Variants in LUZP1 observed in about 807,000 individuals in gnomAD.
LUZP1 encodes the protein leucine zipper protein 1.
LUZP1 carries 25 observed loss-of-function variants against 71.3 expected under a neutral mutation model. The ratio of observed to expected loss-of-function variants is 0.35; its 90% CI spans 0.26 to 0.49. The LOEUF (loss-of-function observed/expected upper bound fraction) is 0.49. Ranked by LOEUF, LUZP1 falls within the 20% of genes least tolerant of loss-of-function variation. The pLI, the probability that LUZP1 is intolerant of heterozygous loss-of-function variation, is 0.99. For synonymous variants in LUZP1, 481 were observed against 506.4 expected (o/e 0.95, Z 0.67); for missense variants, 1,142 against 1,300.8 (o/e 0.88, Z 1.88).
chr1:23,175,791 C>A (rs933444698), intron 1 of LUZP1, among the ~76,000 whole-genome samples: 2 of 152,102 alleles, frequency 1.3e-5, no homozygotes, highest in Admixed American at 1.3e-4. Context: ...ATAACAATTC[C>A]ATTAAGTGCT....
At chr1:23,126,880 T>G (rs1042386303) in intron 2 of LUZP1, among the ~76,000 whole-genome samples, 2 of 152,198 alleles carry the variant, frequency 1.3e-5, no homozygotes, top group Admixed American at 1.3e-4. Context: ...CAACAGAAGT[T>G]TAAATGTCTA....
intron 2 of LUZP1, among the ~76,000 whole-genome samples, chr1:23,164,352 G>A (rs1317860705): frequency 2.6e-5 from 4 of 151,988 alleles, no homozygotes; most frequent in Non-Finnish European, 4.4e-5. Flanking sequence ...AAAATTAGCC[G>A]GGCATGGTGG....
rs374549961 is a variant in LUZP1, at chr1:23,093,641, A to G, written c.621T>C (p.Asn207=). 1.2e-5 allele frequency: 19 copies of G among 1,610,240 alleles called. 1 individual carries two copies. The African/African-American group carries it at 2.6e-4, about 22-fold the overall frequency. Residue 207 remains asparagine (N), a synonymous_variant, in exon 4 of 5, where the codon AAT becomes AAC. Coordinates refer to ENST00000302291, the Ensembl canonical transcript of LUZP1. This position sits in a 1 kb window ranked among gnomAD's most constrained non-coding sequence, Gnocchi z 4.2. ...GAGTGAGTTCTTTTATCAATTTCTC[A>G]TTTTCTTTCTCCTTTTCATTCAAGT...
intron 2 of LUZP1, among the ~76,000 whole-genome samples, chr1:23,125,259 T>C (rs1487150155): frequency 1.3e-5 from 2 of 152,168 alleles, no homozygotes; most frequent in Non-Finnish European, 2.9e-5. Flanking sequence ...GTGCATACTT[T>C]CTTCAAAAGT....
chr1:23,091,904 T>C, exon 4 of LUZP1: 1 of 1,614,232 alleles, frequency 6.2e-7, no homozygotes, highest in Non-Finnish European at 8.5e-7. Context: ...TTGGCCCTGG[T>C]TTGGAGACGG....
intron 2 of LUZP1, among the ~76,000 whole-genome samples, chr1:23,138,697 G>GTGTGTGTA (rs1401882473): frequency 1.1e-4 from 15 of 135,998 alleles, no homozygotes; most frequent in Admixed American, 3.7e-4. Flanking sequence ...GTGTGTGTGT[G>GTGTGTGTA]TATATATATA....
chr1:23,141,874 G>A (rs959807421), intron 2 of LUZP1, among the ~76,000 whole-genome samples: 1 of 140,782 alleles, frequency 7.1e-6, no homozygotes, highest in Non-Finnish European at 1.5e-5. Context: ...AGACAGTTTT[G>A]CTTTTGTTGC....
rs1644240026 is a variant in LUZP1, at chr1:23,134,704, GC to G, written c.-225-25578del. On this transcript the variant is annotated intron_variant, in intron 2 of 4. Coordinates refer to ENST00000302291, the Ensembl canonical transcript of LUZP1. ...AGGCTGAGGTAAGAGAATTGCTTGA[GC>G]CCAGGAAGTTAAGGCTGCACTGAGC... Among the ~76,000 whole-genome samples, 6 of 152,228 alleles carry G rather than the reference GC, an allele frequency of 3.9e-5. No homozygotes were observed. In the South Asian group the frequency reaches 1.2e-3, roughly 32 times the overall value.
At chr1:23,175,713 A>G (rs1274485237) in intron 1 of LUZP1, among the ~76,000 whole-genome samples, 2 of 152,244 alleles carry the variant, frequency 1.3e-5, no homozygotes, top group Admixed American at 6.5e-5. Flanking sequence ...ACTGTAATAC[A>G]GCAAAAGTCC....
intron 2 of LUZP1, among the ~76,000 whole-genome samples, chr1:23,111,446 G>A (rs886776890): frequency 3.3e-5 from 5 of 152,024 alleles, no homozygotes; most frequent in Non-Finnish European, 7.4e-5. Context: ...TATAGTCCTA[G>A]CTACTTGGGA....
intron 2 of LUZP1, among the ~76,000 whole-genome samples, chr1:23,118,468 T>A (rs991072247): frequency 2.0e-5 from 3 of 152,196 alleles, no homozygotes; most frequent in Non-Finnish European, 4.4e-5. Context: ...GGCAGTAGAA[T>A]CCTGAGTTCT....
intron 2 of LUZP1, among the ~76,000 whole-genome samples, chr1:23,122,075 T>C (rs1644134283): frequency 6.6e-6 from 1 of 152,110 alleles, no homozygotes; most frequent in Non-Finnish European, 1.5e-5. Flanking sequence ...ATTGACATTC[T>C]TCAACTGAGT....
chr1:23,156,169 T>C (rs2124740818), intron 2 of LUZP1, among the ~76,000 whole-genome samples: 1 of 152,016 alleles, frequency 6.6e-6, no homozygotes, highest in South Asian at 2.1e-4. Flanking sequence ...TCACTTGAGG[T>C]CGTAGTTCGA....
chr1:23,143,321 A>C (rs936934788), intron 2 of LUZP1, among the ~76,000 whole-genome samples: 1 of 152,204 alleles, frequency 6.6e-6, no homozygotes, highest in Non-Finnish European at 1.5e-5. Context: ...GTAAAATTTA[A>C]GCTGACTCTT....
At chr1:23,090,762 A>T (rs1643839697) in intron 4 of LUZP1, 4 of 671,920 alleles carry the variant, frequency 6.0e-6, no homozygotes, top group African/African-American at 1.8e-5. Flanking sequence ...GAACTTGCTG[A>T]CCTGGCTCCC....
intron 2 of LUZP1, among the ~76,000 whole-genome samples, chr1:23,150,575 G>A (rs558683328): frequency 6.6e-6 from 1 of 152,154 alleles, no homozygotes; most frequent in Non-Finnish European, 1.5e-5. Flanking sequence ...GGGACATCAA[G>A]AATGAGGTAG....
chr1:23,138,228 C>A (rs1644270034), intron 2 of LUZP1, among the ~76,000 whole-genome samples: 1 of 152,172 alleles, frequency 6.6e-6, no homozygotes, highest in Admixed American at 6.5e-5. Context: ...CCCGCCTCAG[C>A]TTCCCAAAGA....
At chr1:23,114,747 C>T (rs1484859989) in intron 2 of LUZP1, among the ~76,000 whole-genome samples, 3 of 152,304 alleles carry the variant, frequency 2.0e-5, no homozygotes, top group South Asian at 2.1e-4. Context: ...AGTAAGACAA[C>T]GCACCCTCTA....
At chr1:23,115,889 C>T (rs1644074102) in intron 2 of LUZP1, among the ~76,000 whole-genome samples, 1 of 152,170 alleles carries the variant, frequency 6.6e-6, no homozygotes, top group Non-Finnish European at 1.5e-5. Context: ...GACTAGGCTT[C>T]CTTGCCCATG....
Sources: allele counts gnomAD v4.1 joint callset (sites outside exome capture counted in the v4.1 genomes callset), GRCh38; gene constraint gnomAD v4.1.1; non-coding constraint Gnocchi (gnomAD v3.1); transcripts MANE v1.5; gene names NCBI Gene and HGNC (gene_info 2026-07-23, HGNC 2026-07-21).